The following LRBA variants were observed in gnomAD, a reference collection of about 807,000 sequenced individuals.
The protein encoded by LRBA is LPS responsive beige-like anchor protein.
LRBA carries 176 observed loss-of-function variants against 330.0 expected under a neutral mutation model. The ratio of observed to expected loss-of-function variants is 0.53; its 90% CI spans 0.47 to 0.60. The LOEUF (loss-of-function observed/expected upper bound fraction) is 0.60, where lower values mean the gene tolerates loss of function less well. LRBA is among the 20% of genes least tolerant of loss of function. The pLI is 0.00. For missense variants in LRBA, 3,259 were observed against 3,444.8 expected, an observed-to-expected ratio of 0.95 and a Z score of 1.35; for synonymous variants, 1,230 against 1,193.0, an observed-to-expected ratio of 1.03 and a Z score of -0.64.
At chr4:150,785,879 G>A (rs1738985159) in intron 34 of LRBA, among the ~76,000 whole-genome samples, 1 of 152,140 alleles carries the variant, frequency 6.6e-6, no homozygotes, top group Non-Finnish European at 1.5e-5. Context: ...CAAGTAACAC[G>A]ACATCAGTGT....
chr4:151,006,415 T>C (rs1278406253), intron 2 of LRBA, among the ~76,000 whole-genome samples: 2 of 152,082 alleles, frequency 1.3e-5, no homozygotes, highest in African/African-American at 2.4e-5. Context: ...AATTAAGACA[T>C]TTCCATTTAA....
chr4:150,544,750 T>C (rs1454531372), intron 40 of LRBA, among the ~76,000 whole-genome samples: 1 of 152,204 alleles, frequency 6.6e-6, no homozygotes, highest in East Asian at 1.9e-4. Context: ...CACACCCTCA[T>C]TTGATTTCTA....
chr4:150,926,285 G>A (rs1322063659), intron 4 of LRBA, among the ~76,000 whole-genome samples: 1 of 152,172 alleles, frequency 6.6e-6, no homozygotes, highest in South Asian at 2.1e-4. Flanking sequence ...GACCCTACTA[G>A]ACACTTCGGA....
chr4:150,805,215 GAAGGA>G (rs144565808), intron 33 of LRBA, among the ~76,000 whole-genome samples: 92,703 of 113,136 alleles, frequency 0.82, 37,705 homozygotes, highest in Middle Eastern at 0.91. Flanking sequence ...AGGAAGGAAG[GAAGGA>G]AAGGAAAGGA....
At chr4:150,600,508 T>C (rs1257581638) in intron 37 of LRBA, among the ~76,000 whole-genome samples, 2 of 152,162 alleles carry the variant, frequency 1.3e-5, no homozygotes, top group Non-Finnish European at 2.9e-5. Flanking sequence ...AGAAAATCTT[T>C]TTAAAACAGT....
Position 150,915,615 on chromosome 4 carries a change from G to A in LRBA, c.1007C>T (p.Thr336Ile), listed in dbSNP as rs903429218. The change falls in exon 8 of 57, where the codon ACT becomes ATT. Residue 336 changes from threonine (T) to isoleucine (I), a missense_variant. By Grantham distance (89) the Thr-to-Ile change is moderately conservative. Transcript: ENST00000651943. ...SYGEITWFVN[T>I]SDTFDKCFLG... is the part of the protein sequence containing the mutation. ...CATTTTGAAACTACTTACATCGCTA[G>A]TGTTGACAAACCATGTTATCTCTCC... 6.2e-7 allele frequency: 1 copy of A among 1,608,640 alleles called. No individual in the cohort carries two copies. Among genetic ancestry groups the A allele is most frequent in the African/African-American group, 1.3e-5 (1 of 74,632 alleles).
chr4:150,690,174 T>A (rs1783991235), intron 36 of LRBA, among the ~76,000 whole-genome samples: 1 of 152,136 alleles, frequency 6.6e-6, no homozygotes, highest in Non-Finnish European at 1.5e-5. Context: ...TAGCAATTTT[T>A]ATAAAACTGA....
intron 48 of LRBA, among the ~76,000 whole-genome samples, chr4:150,336,152 T>C (rs1313294806): frequency 6.6e-6 from 1 of 152,206 alleles, no homozygotes; most frequent in Non-Finnish European, 1.5e-5. Flanking sequence ...TATAGATTAT[T>C]TCACCACCCA....
chr4:150,334,857 T>G (rs1734447981), intron 48 of LRBA, among the ~76,000 whole-genome samples: 1 of 147,314 alleles, frequency 6.8e-6, no homozygotes. Flanking sequence ...TTTGACAGAG[T>G]TTCGCTCTGT....
At chr4:150,693,026 A>T (rs1286018001) in intron 36 of LRBA, among the ~76,000 whole-genome samples, 2 of 152,222 alleles carry the variant, frequency 1.3e-5, no homozygotes, top group Admixed American at 6.5e-5. Context: ...CAAACAGAAG[A>T]GATTATTTAA....
At position 150,272,642 on chromosome 4, in the gene LRBA, C is replaced by A. The variant is rs547872031; in HGVS notation, c.8468+5211G>T. ...TAAATGACCTGATGGAGCTGAAAAACACAGCACGAGAACTTCATGAAGCAT... is the reference window on the plus strand; with the variant it reads ...TAAATGACCTGATGGAGCTGAAAAAAACAGCACGAGAACTTCATGAAGCAT... On this transcript the variant is annotated intron_variant, in intron 56 of 56. Coordinates refer to ENST00000651943, the MANE Select transcript of LRBA (RefSeq NM_001364905.1). Among the ~76,000 whole-genome samples, 4 of 151,632 alleles carry A rather than the reference C, an allele frequency of 2.6e-5. No homozygotes were observed. In the South Asian group the frequency reaches 8.4e-4, roughly 32 times the overall value.
intron 36 of LRBA, among the ~76,000 whole-genome samples, chr4:150,727,271 G>A (rs1320357883): frequency 4.6e-5 from 7 of 151,564 alleles, no homozygotes; most frequent in African/African-American, 1.2e-4. Context: ...ACGGGGTTTC[G>A]CCATGTTGGC....
At chr4:150,863,027 G>A (rs1752162002) in intron 22 of LRBA, among the ~76,000 whole-genome samples, 1 of 152,032 alleles carries the variant, frequency 6.6e-6, no homozygotes, top group Admixed American at 6.6e-5. Flanking sequence ...AACCGGGTGT[G>A]TGGCTCATGC....
At chr4:150,688,859 T>C (rs903440266) in intron 36 of LRBA, among the ~76,000 whole-genome samples, 2 of 152,156 alleles carry the variant, frequency 1.3e-5, no homozygotes, top group African/African-American at 2.4e-5. Context: ...GGAGGGAGTA[T>C]AAATTAGTTC....
chr4:150,477,713 T>G (rs1422322407), intron 42 of LRBA, among the ~76,000 whole-genome samples: 1 of 152,034 alleles, frequency 6.6e-6, no homozygotes, highest in Non-Finnish European at 1.5e-5. Context: ...CTCATGACAG[T>G]GAGTGAGTTT....
In LRBA at chr4:150,939,879, A is replaced by G. The variant is rs147830885; in HGVS notation, c.217-10814T>C. On this transcript the variant is annotated intron_variant, in intron 2 of 56. Coordinates refer to ENST00000651943, the MANE Select transcript of LRBA (RefSeq NM_001364905.1). ...ATATCACCTATTGGGTACAATGTGC[A>G]CTATTCAGGTGATGGGTACACTAAC... is the stretch of plus-strand genomic sequence containing the variant. Among the ~76,000 whole-genome samples the G allele has an allele frequency of 6.3e-3, 955 of 152,286 alleles. 11 individuals are homozygous for G. The highest frequency in any genetic ancestry group is 0.022 in the African/African-American group (908 of 41,560).
rs114550553 is a variant in LRBA at position 150,637,208 on chromosome 4, T to C, written c.5922-38077A>G. ...AAAAATCTAAGCTTTCCACATCGTG[T>C]TACAGTGGTACATTGGCAAGTATCA... On this transcript the variant is annotated intron_variant, in intron 37 of 56. Coordinates refer to ENST00000651943, the MANE Select transcript of LRBA (RefSeq NM_001364905.1). 6.2e-3 allele frequency among the ~76,000 whole-genome samples: 942 copies of C among 152,308 alleles called. 13 individuals are homozygous for C. Among genetic ancestry groups the C allele is most frequent in the African/African-American group, 0.021 (890 of 41,566 alleles).
chr4:150,771,392 G>C (rs1736545864), intron 34 of LRBA, among the ~76,000 whole-genome samples: 2 of 152,132 alleles, frequency 1.3e-5, no homozygotes, highest in African/African-American at 2.4e-5. Flanking sequence ...AGGATGGTGG[G>C]GAACATAGCA....
intron 53 of LRBA, among the ~76,000 whole-genome samples, chr4:150,287,286 G>A (rs1038361588): frequency 9.9e-5 from 15 of 152,252 alleles, no homozygotes; most frequent in African/African-American, 3.6e-4. Flanking sequence ...AAATGCTGCT[G>A]TCAGAAAACT....
Sources: allele counts gnomAD v4.1 joint callset (sites outside exome capture counted in the v4.1 genomes callset), GRCh38; gene constraint gnomAD v4.1.1; transcripts MANE v1.5; gene names NCBI Gene and HGNC (gene_info 2026-07-23, HGNC 2026-07-21).